CRY2: variants seen among roughly 807,000 people sequenced by gnomAD.
CRY2 encodes cryptochrome-2.
CRY2 carries 31 observed loss-of-function variants against 69.5 expected under a neutral mutation model. The ratio of observed to expected loss-of-function variants is 0.45; its 90% CI spans 0.34 to 0.60. The LOEUF (loss-of-function observed/expected upper bound fraction) is 0.60. Among genes scored for constraint, CRY2 ranks in the 20% least tolerant of loss-of-function variants. CRY2 has a pLI of 0.02. For synonymous variants in CRY2, 303 were observed against 312.2 expected (o/e 0.97, Z 0.31); for missense variants, 606 against 797.8 (o/e 0.76, Z 2.90).
At chr11:45,855,915 G>C (rs2086235252) in intron 1 of CRY2, 67 bp from the exon 2 acceptor site, 1 of 1,368,898 alleles carries the variant, frequency 7.3e-7, no homozygotes. Context: ...GTTTCTCCCT[G>C]CTTTGTTAGG....
rs770946779 is a variant in CRY2 at position 45,858,835 on chromosome 11, A to G, written c.429A>G (p.Val143=). ...TGGCCAAGGAGGCTGGTGTGGAAGTAGTGACGGAGAATTCTCATACCCTCT... is the reference window on the plus strand; with the variant it reads ...TGGCCAAGGAGGCTGGTGTGGAAGTGGTGACGGAGAATTCTCATACCCTCT... ...MKMAKEAGVE[V]VTENSHTLYD... Residue 143 remains valine, a synonymous_variant, in exon 3 of 12, where the codon GTA becomes GTG. Coordinates refer to ENST00000616080, the MANE Select transcript of CRY2 (RefSeq NM_021117.5). 24 of 1,614,208 alleles carry G rather than the reference A, an allele frequency of 1.5e-5. No individual in the cohort carries two copies. The highest frequency in any genetic ancestry group is 1.9e-5 in the Non-Finnish European group (23 of 1,180,032).
chr11:45,866,482 A>G (rs1156291579), intron 5 of CRY2, among the ~76,000 whole-genome samples: 1 of 152,226 alleles, frequency 6.6e-6, no homozygotes, highest in Admixed American at 6.5e-5. Context: ...TCAAGAGGAT[A>G]AGACAGCACA....
chr11:45,849,382 G>T (rs1291939339), intron 1 of CRY2, among the ~76,000 whole-genome samples: 1 of 152,156 alleles, frequency 6.6e-6, no homozygotes, highest in Non-Finnish European at 1.5e-5. Flanking sequence ...CCTAATATCT[G>T]CCAGGTACTG....
intron 3 of CRY2, among the ~76,000 whole-genome samples, chr11:45,860,571 C>T (rs945353501): frequency 3.3e-5 from 5 of 152,018 alleles, no homozygotes; most frequent in East Asian, 1.9e-4. Flanking sequence ...GGCGGCTCTG[C>T]GTCAACACCA....
At chr11:45,858,961 A>C in intron 3 of CRY2, 88 bp downstream of exon 3, 1 of 1,510,722 alleles carries the variant, frequency 6.6e-7, no homozygotes. Flanking sequence ...GAGGTTCAGC[A>C]TTAGGGCTAC....
chr11:45,879,088 G>C (rs2086448317), intron 11 of CRY2, among the ~76,000 whole-genome samples: 2 of 151,572 alleles, frequency 1.3e-5, no homozygotes, highest in Admixed American at 1.3e-4. Flanking sequence ...AATTAGCCAG[G>C]TGTGGTGGCA....
chr11:45,869,454 A>G, intron 6 of CRY2, 52 bp from the exon 7 acceptor site: 1 of 1,542,596 alleles, frequency 6.5e-7, no homozygotes, highest in Non-Finnish European at 8.8e-7. Flanking sequence ...GAGAGGCACC[A>G]TGCTAAGAGC....
intron 2 of CRY2, 49 bp from the exon 3 acceptor site, chr11:45,858,682 C>G (rs773038685): frequency 4.6e-5 from 73 of 1,570,836 alleles, no homozygotes; most frequent in South Asian, 1.9e-4. Context: ...TCCAGCTTCC[C>G]CCTCCTCCCC....
intron 1 of CRY2, among the ~76,000 whole-genome samples, chr11:45,850,019 T>G (rs1231264034): frequency 6.6e-6 from 1 of 151,792 alleles, no homozygotes; most frequent in African/African-American, 2.4e-5. Flanking sequence ...TTTTTTTTTT[T>G]TTTTGAGACG....
intron 2 of CRY2, 200 bp downstream of exon 2, chr11:45,856,290 G>A (rs991134530): frequency 7.3e-6 from 4 of 548,858 alleles, no homozygotes; most frequent in Non-Finnish European, 1.3e-5. Context: ...AAAATTCTGG[G>A]AAACCAGTGT....
chr11:45,847,243 T>G, upstream of CRY2: 4 of 1,551,252 alleles, frequency 2.6e-6, no homozygotes, highest in Non-Finnish European at 3.5e-6. Flanking sequence ...CTGCGTCACT[T>G]GTCCGCATGC....
At chr11:45,850,012 T>TG (rs971289135) in intron 1 of CRY2, among the ~76,000 whole-genome samples, 1 of 151,516 alleles carries the variant, frequency 6.6e-6, no homozygotes, top group Non-Finnish European at 1.5e-5. Flanking sequence ...TTTTTTGTTT[T>TG]TTTTTTTTTT....
chr11:45,865,560 G>A (rs117729717), intron 5 of CRY2, among the ~76,000 whole-genome samples: 5 of 152,200 alleles, frequency 3.3e-5, no homozygotes, highest in South Asian at 2.1e-4. Context: ...TTGAGGTTGC[G>A]ACTTGAAGGA....
Position 45,858,840 on chromosome 11 carries a change from C to T in CRY2, c.434C>T (p.Thr145Met), listed in dbSNP as rs201922005. 5.9e-5 allele frequency: 95 copies of T among 1,614,008 alleles called. No individual in the cohort carries two copies. Among genetic ancestry groups the T allele is most frequent in the South Asian group, 1.3e-4 (12 of 91,072 alleles). Residue 145 changes from threonine to methionine, a missense_variant, in exon 3 of 12, where the codon ACG (threonine) becomes ATG (methionine). Transcript: ENST00000616080. ...MAKEAGVEVVTENSHTLYDLD... is the reference protein window; with the variant it reads ...MAKEAGVEVVMENSHTLYDLD... ...AAGGAGGCTGGTGTGGAAGTAGTGA[C>T]GGAGAATTCTCATACCCTCTATGAC... is the stretch of plus-strand genomic sequence containing the variant.
At chr11:45,862,331 T>C (rs1348226763) in intron 5 of CRY2, among the ~76,000 whole-genome samples, 183 bp downstream of exon 5, 1 of 152,248 alleles carries the variant, frequency 6.6e-6, no homozygotes, top group East Asian at 1.9e-4. Flanking sequence ...TAGAGAGTAC[T>C]TACCATGTGC....
At chr11:45,866,793 G>A (rs752435633) in intron 5 of CRY2, among the ~76,000 whole-genome samples, 52 of 151,956 alleles carry the variant, frequency 3.4e-4, no homozygotes, top group South Asian at 4.1e-4. Context: ...TTAAGAAAGT[G>A]GAAATAGGCC....
intron 2 of CRY2, among the ~76,000 whole-genome samples, chr11:45,857,349 G>A (rs2086248981): frequency 6.6e-6 from 1 of 152,146 alleles, no homozygotes; most frequent in African/African-American, 2.4e-5. Context: ...TGACGATCTT[G>A]GATTCTGACT....
In CRY2 at chr11:45,860,944, G is replaced by T. The variant is rs749172980; in HGVS notation, c.564G>T (p.Leu188Phe). The T allele has an allele frequency of 6.2e-7, 1 of 1,614,136 alleles. No individual in the cohort carries two copies. The highest frequency in any genetic ancestry group is 1.1e-5 in the South Asian group (1 of 91,082). ...RMELPKKPVGLVTSQQMESCR... is the reference protein window; with the variant it reads ...RMELPKKPVGFVTSQQMESCR... ...AGCTGCCCAAGAAGCCAGTGGGCTTGGTGACCAGCCAGCAGATGGAGAGCT... is the reference window on the plus strand; with the variant it reads ...AGCTGCCCAAGAAGCCAGTGGGCTTTGTGACCAGCCAGCAGATGGAGAGCT... The change falls in exon 4 of 12, where the codon TTG becomes TTT. Residue 188 changes from leucine (L) to phenylalanine (F), a missense_variant. By Grantham distance (22) the Leu-to-Phe change is conservative. Around this residue, in one of 5 missense-constraint regions of CRY2, gnomAD observed 382 missense variants for 508.9 expected, o/e 0.75. Coordinates refer to ENST00000616080, the MANE Select transcript of CRY2 (RefSeq NM_021117.5).
chr11:45,871,028 T>A lies in CRY2; in HGVS notation c.1642+94T>A, dbSNP rs910682259. The A allele has an allele frequency of 4.3e-5, 44 of 1,028,792 alleles. No homozygotes were observed. In the African/African-American group the frequency reaches 6.3e-4, roughly 15 times the overall value. The allele number at this position is 1,028,792 out of a possible 1,614,324, so 63.7% of individuals were successfully genotyped here. A position where few individuals can be genotyped will look rare whatever the true frequency, so the allele number is the denominator to read the frequency against. On this transcript the variant is annotated intron_variant, in intron 10 of 11. Transcript: ENST00000616080. ...GAGGCCAGAAGGAGGCCTTGCCCAGTGGAGCTTATATTCCACCTGGGGCAG... is the reference window on the plus strand; with the variant it reads ...GAGGCCAGAAGGAGGCCTTGCCCAGAGGAGCTTATATTCCACCTGGGGCAG...
Sources: gnomAD v4.1 joint callset for allele counts (sites outside exome capture counted in the v4.1 genomes callset) on GRCh38, gnomAD v4.1.1 for gene constraint, gnomAD v4.1.1 regional missense constraint, MANE v1.5 for transcripts, NCBI Gene and HGNC (gene_info 2026-07-23, HGNC 2026-07-21) for gene names.